Variants in CFAP74 observed in about 807,000 individuals in gnomAD.
CFAP74 encodes the protein cilia and flagella associated protein 74.
A neutral mutation model predicts 188.9 loss-of-function variants in CFAP74; 124 were observed. The observed-to-expected ratio is 0.66, with a 90% confidence interval of 0.57 to 0.76. CFAP74 has a LOEUF of 0.76. CFAP74 is among the 30% of genes least tolerant of loss of function. The pLI, the probability that CFAP74 is intolerant of heterozygous loss-of-function variation, is 0.00. For synonymous variants in CFAP74, 956 were observed against 916.7 expected (o/e 1.04, Z -0.77); for missense variants, 2,198 against 2,165.2 (o/e 1.02, Z -0.30).
In CFAP74 at chr1:1,942,389, C is replaced by T. The variant is rs1570870912; in HGVS notation, c.2487-233G>A. Among the ~76,000 whole-genome samples, 1 of 152,312 alleles carries T rather than the reference C, an allele frequency of 6.6e-6. No homozygotes were observed. The highest frequency in any genetic ancestry group is 1.9e-4 in the East Asian group (1 of 5,178). On this transcript the variant is annotated intron_variant, in intron 21 of 38. Coordinates refer to ENST00000682832, the MANE Select transcript of CFAP74 (RefSeq NM_001304360.2). The surrounding 1 kb of genome is among the most constrained non-coding windows in gnomAD (Gnocchi z 4.3). ...GATGAAGAATTCTTAAAAATAACCA[C>T]ATCGAAACGGAAGCACGGTCCTAAT...
intron 29 of CFAP74, 26 bp downstream of exon 29, chr1:1,926,868 C>T (rs1336141949): frequency 6.5e-7 from 1 of 1,549,684 alleles, no homozygotes; most frequent in African/African-American, 1.4e-5. Flanking sequence ...CTGACCACAC[C>T]CTGTTCTGGC....
Position 1,923,588 on chromosome 1 carries a change from C to T in CFAP74, c.4390-89G>A. ...AGCTGGGCTGGCTCAGGGAAGGAAG[C>T]AGGGACGGCCTGGGGGCCCCGTGGG... On this transcript the variant is annotated intron_variant, in intron 35 of 38. Coordinates refer to ENST00000682832, the MANE Select transcript of CFAP74 (RefSeq NM_001304360.2). This position sits in a 1 kb window ranked among gnomAD's most constrained non-coding sequence, Gnocchi z 6.3. 6.4e-7 allele frequency: 1 copy of T among 1,552,944 alleles called. No individual in the cohort carries two copies. The highest frequency in any genetic ancestry group is 8.7e-7 in the Non-Finnish European group (1 of 1,148,956).
intron 18 of CFAP74, chr1:1,954,959 G>A: frequency 4.2e-6 from 5 of 1,188,922 alleles, no homozygotes; most frequent in East Asian, 1.2e-4. Context: ...ACTGGCAGAA[G>A]GACGGATCTA....
chr1:1,956,110 G>C (rs1393068984), intron 17 of CFAP74, among the ~76,000 whole-genome samples: 2 of 152,238 alleles, frequency 1.3e-5, no homozygotes, highest in African/African-American at 4.8e-5. Context: ...TGCTGCCCCA[G>C]CCTGGGAGTG....
intron 18 of CFAP74, among the ~76,000 whole-genome samples, chr1:1,949,246 C>A (rs1051162891): frequency 2.6e-5 from 4 of 151,020 alleles, no homozygotes; most frequent in African/African-American, 9.7e-5. Flanking sequence ...ACAACCTCTG[C>A]CTCCCGGGTT....
intron 1 of CFAP74, among the ~76,000 whole-genome samples, chr1:2,002,500 C>T (rs1658256609): frequency 6.6e-6 from 1 of 151,008 alleles, no homozygotes; most frequent in African/African-American, 2.4e-5. Context: ...GGCCAACACG[C>T]GGAAACCCCG....
chr1:1,941,452 CA>C (rs1307568708), intron 22 of CFAP74, among the ~76,000 whole-genome samples: 7 of 152,198 alleles, frequency 4.6e-5, no homozygotes, highest in Non-Finnish European at 1.0e-4. Context: ...AAGCAGAGAC[CA>C]GGGGATGCAG....
chr1:1,940,231 C>T lies in CFAP74; in HGVS notation c.2703+85G>A, dbSNP rs1570864150. 2.6e-5 allele frequency: 29 copies of T among 1,101,676 alleles called. No individual in the cohort carries two copies. The East Asian group carries it at 4.4e-4, about 17-fold the overall frequency. 68.2% of individuals were successfully genotyped at this position (1,101,676 alleles called of 1,614,324 possible). A position where few individuals can be genotyped will look rare whatever the true frequency, so the allele number is the denominator to read the frequency against. ...GAGGATGAGCCCTTTTGGGGGCCCT[C>T]GCCCGGGTGCTGGGCCTGGCCTCCC... is the stretch of plus-strand genomic sequence containing the variant. On this transcript the variant is annotated intron_variant, in intron 23 of 38. Transcript: ENST00000682832.
chr1:1,970,281 G>A (rs576526764), intron 10 of CFAP74, among the ~76,000 whole-genome samples: 60 of 152,334 alleles, frequency 3.9e-4, no homozygotes, highest in African/African-American at 1.3e-3. Flanking sequence ...AGCAGCACCA[G>A]GTTCCCTGGA....
At chr1:1,934,565 G>GTGGGTGTTAGGTTGTAGGTACACACA (rs1652694139) in intron 25 of CFAP74, among the ~76,000 whole-genome samples, 2 of 137,706 alleles carry the variant, frequency 1.5e-5, no homozygotes, top group Non-Finnish European at 3.2e-5. Flanking sequence ...AGGTACACAC[G>GTGGGTGTTAGGTTGTAGGTACACACA]TGTGTACGTG....
In CFAP74 at chr1:1,975,148, C is replaced by T. The variant is rs577828415; in HGVS notation, c.501-950G>A. ...ACACCCGCGATCATGTTCATTTCCA[C>T]TTCGTCTTTCGTTAAAAGCTTTTCC... On this transcript the variant is annotated intron_variant, in intron 6 of 38. Coordinates refer to ENST00000682832, the MANE Select transcript of CFAP74 (RefSeq NM_001304360.2). This position sits in a 1 kb window ranked among gnomAD's most constrained non-coding sequence, Gnocchi z 4.5. Among the ~76,000 whole-genome samples the T allele has an allele frequency of 6.6e-6, 1 of 152,250 alleles. No homozygotes were observed. Among genetic ancestry groups the T allele is most frequent in the Non-Finnish European group, 1.5e-5 (1 of 68,050 alleles).
intron 26 of CFAP74, 98 bp downstream of exon 26, chr1:1,929,962 C>T (rs1570827494): frequency 1.5e-6 from 2 of 1,325,796 alleles, no homozygotes; most frequent in East Asian, 2.5e-5. Flanking sequence ...CGGGTTGAAA[C>T]CCTGTGGTTA....
intron 1 of CFAP74, among the ~76,000 whole-genome samples, chr1:2,003,064 G>A (rs374311655): frequency 1.3e-5 from 2 of 149,102 alleles, no homozygotes; most frequent in African/African-American, 5.2e-5. Flanking sequence ...TGAGTGGCAT[G>A]GGGGAGAGAC....
chr1:1,963,900 G>A lies in CFAP74; in HGVS notation c.1576-33C>T, dbSNP rs1350667861. ...AGGCCGAGGTAGCAGCTTCAGAGCG[G>A]GTCACAGGGGGCTGTGCTGTGAGCA... On this transcript the variant is annotated intron_variant, in intron 13 of 38. Transcript: ENST00000682832. 3 of 1,396,228 alleles carry A rather than the reference G, an allele frequency of 2.1e-6. No individual in the cohort carries two copies. In the Admixed American group the frequency reaches 5.0e-5, roughly 23 times the overall value. 86.5% of individuals were successfully genotyped at this position (1,396,228 alleles called of 1,614,324 possible).
chr1:1,987,149 C>T, intron 4 of CFAP74, 114 bp from the exon 5 acceptor site: 1 of 777,036 alleles, frequency 1.3e-6, no homozygotes. Context: ...CAGAGCCCCC[C>T]TCACCCGGGC....
At position 1,928,334 on chromosome 1, in the gene CFAP74, C is replaced by T. The variant is rs56173500; in HGVS notation, c.3387+450G>A. 9.3e-4 allele frequency among the ~76,000 whole-genome samples: 142 copies of T among 151,972 alleles called. 1 individual carries two copies. The highest frequency in any genetic ancestry group is 1.4e-3 in the Admixed American group (21 of 15,264). On this transcript the variant is annotated intron_variant, in intron 27 of 38. Coordinates refer to ENST00000682832, the MANE Select transcript of CFAP74 (RefSeq NM_001304360.2). ...GCAAACCCTTGGGAGGAAGCCAGGC[C>T]GGGAAGGGCAAACCCGTGGGAGGAA...
intron 25 of CFAP74, among the ~76,000 whole-genome samples, chr1:1,932,006 C>T (rs1019727439): frequency 2.9e-5 from 4 of 139,196 alleles, no homozygotes; most frequent in East Asian, 2.2e-4. Flanking sequence ...GTAGAGGTTG[C>T]GGTGAGCTGA....
intron 1 of CFAP74, among the ~76,000 whole-genome samples, chr1:1,996,528 G>A (rs1657920429): frequency 6.6e-6 from 1 of 152,164 alleles, no homozygotes; most frequent in African/African-American, 2.4e-5. Context: ...CACTATGGGA[G>A]CTACTTTAAA....
At chr1:1,995,500 G>GA (rs34447221) in intron 1 of CFAP74, among the ~76,000 whole-genome samples, 32 of 140,916 alleles carry the variant, frequency 2.3e-4, no homozygotes, top group South Asian at 1.6e-3. Flanking sequence ...TCAAAAAAAA[G>GA]AAAAAAAAAA....
Sources: allele counts gnomAD v4.1 joint callset (sites outside exome capture counted in the v4.1 genomes callset), GRCh38; gene constraint gnomAD v4.1.1; non-coding constraint Gnocchi (gnomAD v3.1); transcripts MANE v1.5; gene names NCBI Gene and HGNC (gene_info 2026-07-23, HGNC 2026-07-21).